HOXC10: variants seen among roughly 807,000 people sequenced by gnomAD.
The protein encoded by HOXC10 is homeobox protein Hox-C10.
A neutral mutation model predicts 26.0 loss-of-function variants in HOXC10; 15 were observed. The ratio of observed to expected loss-of-function variants is 0.58; its 90% CI spans 0.39 to 0.89. The LOEUF is 0.89. Ranked by LOEUF, HOXC10 falls within the 40% of genes least tolerant of loss-of-function variation. The pLI is 0.00. For synonymous variants in HOXC10, 196 were observed against 185.5 expected (o/e 1.06, Z -0.46); for missense variants, 446 against 451.9 (o/e 0.99, Z 0.12).
chr12:53,985,712 C>G lies in HOXC10; in HGVS notation c.453C>G (p.Ala151=), dbSNP rs1413791242. ...HEVPVPSYYR[A]SPSYSALDKT... is the part of the protein sequence containing the mutation. ...TACCCGTGCCCAGCTACTACCGCGC[C>G]AGCCCGAGCTACTCCGCGCTGGACA... is the stretch of plus-strand genomic sequence containing the variant. The change falls in exon 1 of 2, where the codon GCC becomes GCG. Residue 151 remains alanine, a synonymous_variant. Transcript: ENST00000303460. 1.2e-6 allele frequency: 2 copies of G among 1,610,606 alleles called. No individual in the cohort carries two copies. Among genetic ancestry groups the G allele is most frequent in the Non-Finnish European group, 1.7e-6 (2 of 1,177,464 alleles).
intron 1 of HOXC10, 55 bp from the exon 2 acceptor site, chr12:53,989,114 T>C (rs1034301496): frequency 1.3e-5 from 19 of 1,510,306 alleles, no homozygotes; most frequent in Middle Eastern, 3.6e-4. Context: ...GCTGCAGCGC[T>C]GAGAGGGTTT....
rs2136383795 is a variant in HOXC10, at chr12:53,985,827, C to T, written c.568C>T (p.Pro190Ser). ...CCCGCGCGCCGAACATCTGGAATCG[C>T]CTCAGCTGGGGGGCAAAGTGAGTTT... ...LNPRAEHLESPQLGGKVSFPE... is the reference protein window; with the variant it reads ...LNPRAEHLESSQLGGKVSFPE... Residue 190 changes from proline to serine, a missense_variant, in exon 1 of 2, where the codon CCT (proline) becomes TCT (serine). By Grantham distance (74) the Pro-to-Ser change is moderately conservative. Transcript: ENST00000303460. The T allele has an allele frequency of 6.2e-7, 1 of 1,613,844 alleles. No homozygotes were observed. The highest frequency in any genetic ancestry group is 1.3e-5 in the African/African-American group (1 of 75,062).
intron 1 of HOXC10, among the ~76,000 whole-genome samples, chr12:53,987,175 C>T (rs56016226): frequency 0.012 from 1,752 of 152,274 alleles, 17 homozygotes; most frequent in Non-Finnish European, 0.018. Context: ...CTGGGGGCGG[C>T]CTGGATCTCC....
chr12:53,988,263 G>C (rs1056775746), intron 1 of HOXC10, among the ~76,000 whole-genome samples: 3 of 152,204 alleles, frequency 2.0e-5, no homozygotes, highest in African/African-American at 7.2e-5. Context: ...GTATTCTATA[G>C]TATCTCCTTA....
intron 1 of HOXC10, chr12:53,986,735 A>G (rs935739373): frequency 6.6e-6 from 1 of 152,044 alleles, no homozygotes; most frequent in Admixed American, 6.6e-5. Context: ...ATTTTTTTCT[A>G]GTTAAATTAT....
chr12:53,989,086 C>T (rs1048049727), intron 1 of HOXC10, 83 bp from the exon 2 acceptor site: 54 of 1,321,668 alleles, frequency 4.1e-5, no homozygotes, highest in African/African-American at 6.0e-5. Context: ...TCAGCCACCC[C>T]ACAGCAGGCT....
rs756304534 is a variant in HOXC10 at position 53,985,955 on chromosome 12, G to T, written c.696G>T (p.Lys232Asn). 6.2e-7 allele frequency: 1 copy of T among 1,610,210 alleles called. No individual in the cohort carries two copies. The highest frequency in any genetic ancestry group is 8.5e-7 in the Non-Finnish European group (1 of 1,178,504). ...GPKGSPSESE[K>N]ERAKAADSSP... ...AAGGGAGCCCCTCGGAGAGCGAAAA[G>T]GAGAGGGCCAAAGCTGCCGACTCCA... The change falls in exon 1 of 2, where the codon AAG becomes AAT. Residue 232 changes from lysine (K) to asparagine (N), a missense_variant. By Grantham distance (94) the Lys-to-Asn change is moderately conservative (BLOSUM62 0). Coordinates refer to ENST00000303460, the MANE Select transcript of HOXC10 (RefSeq NM_017409.4).
At position 53,985,532 on chromosome 12, in the gene HOXC10, T is replaced by C; in HGVS notation, c.273T>C (p.Pro91=). ...AAGCCGCCTATCGCCTGGAACAACCTGTTGGCAGGCCGCTGTCCTCCTGCT... is the reference window on the plus strand; with the variant it reads ...AAGCCGCCTATCGCCTGGAACAACCCGTTGGCAGGCCGCTGTCCTCCTGCT... The part of the protein sequence containing the change: ...DPKAAYRLEQ[P]VGRPLSSCSY... Residue 91 remains proline (P), a synonymous_variant, in exon 1 of 2, where the codon CCT becomes CCC. Coordinates refer to ENST00000303460, the MANE Select transcript of HOXC10 (RefSeq NM_017409.4). 1 of 1,613,878 alleles carries C rather than the reference T, an allele frequency of 6.2e-7. No individual in the cohort carries two copies. Among genetic ancestry groups the C allele is most frequent in the Non-Finnish European group, 8.5e-7 (1 of 1,180,020 alleles).
rs745584947 is a variant in HOXC10, at chr12:53,989,137, G to T, written c.752-32G>T. ...GCTGAGAGGGTTTTCGACTTCGAGG[G>T]ATACTTATGTAAATAATGTTATTTT... On this transcript the variant is annotated intron_variant, in intron 1 of 1. Transcript: ENST00000303460. 17 of 1,570,266 alleles carry T rather than the reference G, an allele frequency of 1.1e-5. No homozygotes were observed. In the East Asian group the frequency reaches 3.6e-4, roughly 34 times the overall value.
At position 53,989,424 on chromosome 12, in the gene HOXC10, C is replaced by T. The variant is rs375042242; in HGVS notation, c.1007C>T (p.Thr336Ile). The T allele has an allele frequency of 1.2e-6, 2 of 1,613,188 alleles. No homozygotes were observed. Among genetic ancestry groups the T allele is most frequent in the Admixed American group, 1.7e-5 (1 of 59,906 alleles). Residue 336 changes from threonine to isoleucine, a missense_variant, in exon 2 of 2, where the codon ACC becomes ATC. By Grantham distance (89) the Thr-to-Ile change is moderately conservative (BLOSUM62 -1). Transcript: ENST00000303460. ...MNRENRIREL[T>I]SNFNFT Reference sequence around the variant, plus strand: ...CGAGAGAATCGGATCCGGGAACTGACCTCCAATTTTAATTTCACCTGAGAG... The same window carrying T: ...CGAGAGAATCGGATCCGGGAACTGATCTCCAATTTTAATTTCACCTGAGAG...
In HOXC10 at chr12:53,985,572, G is replaced by A; in HGVS notation, c.313G>A (p.Val105Ile). Residue 105 changes from valine (V) to isoleucine (I), a missense_variant, in exon 1 of 2, where the codon GTC becomes ATC. Physicochemically the swap from Val to Ile is conservative, Grantham distance 29. Transcript: ENST00000303460. The stretch of plus-strand genomic sequence containing the variant: ...GTCCTCCTGCTCCTACCCACCTAGT[G>A]TCAAGGAGGAGAATGTCTGCTGCAT... ...PLSSCSYPPS[V>I]KEENVCCMYS... 6.2e-7 allele frequency: 1 copy of A among 1,613,866 alleles called. No homozygotes were observed.
Position 53,985,451 on chromosome 12 carries a change from C to T in HOXC10, c.192C>T (p.Leu64=). ...SKRDEGSSPS[L]ALNTYPSYLS... The stretch of plus-strand genomic sequence containing the variant: ...GGGACGAGGGCAGCAGCCCCAGCCT[C>T]GCCCTCAACACCTATCCGTCCTACC... The change falls in exon 1 of 2, where the codon CTC becomes CTT. Residue 64 remains leucine (L), a synonymous_variant. Coordinates refer to ENST00000303460, the MANE Select transcript of HOXC10 (RefSeq NM_017409.4). 1.2e-6 allele frequency: 2 copies of T among 1,613,018 alleles called. No individual in the cohort carries two copies. Among genetic ancestry groups the T allele is most frequent in the Non-Finnish European group, 1.7e-6 (2 of 1,179,590 alleles).
Position 53,990,210 on chromosome 12 carries a change from A to T in HOXC10, c.*764A>T, listed in dbSNP as rs889150780. On this transcript the variant is annotated 3_prime_UTR_variant, in exon 2 of 2. Coordinates refer to ENST00000303460, the MANE Select transcript of HOXC10 (RefSeq NM_017409.4). ...TATTTAAAGATATTCTGTATGTTGT[A>T]TCTTTTGCATGTAGCTTCCTTAATG... 1 of 146,906 alleles carries T rather than the reference A, an allele frequency of 6.8e-6. No individual in the cohort carries two copies. The highest frequency in any genetic ancestry group is 1.5e-5 in the Non-Finnish European group (1 of 67,398). The allele number at this position is 146,906 out of a possible 1,614,324, so 9.1% of individuals were successfully genotyped here. A position where few individuals can be genotyped will look rare whatever the true frequency, so the allele number is the denominator to read the frequency against.
At position 53,989,371 on chromosome 12, in the gene HOXC10, T is replaced by C; in HGVS notation, c.954T>C (p.Asn318=). ...TDRQVKIWFQ[N]RRMKLKKMNR... is the part of the protein sequence containing the mutation. ...GACAAGTCAAAATCTGGTTTCAAAATCGCAGAATGAAACTCAAGAAAATGA... is the reference window on the plus strand; with the variant it reads ...GACAAGTCAAAATCTGGTTTCAAAACCGCAGAATGAAACTCAAGAAAATGA... Residue 318 remains asparagine (N), a synonymous_variant, in exon 2 of 2, where the codon AAT becomes AAC. Coordinates refer to ENST00000303460, the MANE Select transcript of HOXC10 (RefSeq NM_017409.4). The C allele has an allele frequency of 6.2e-7, 1 of 1,614,098 alleles. No individual in the cohort carries two copies. The highest frequency in any genetic ancestry group is 1.1e-5 in the South Asian group (1 of 91,058).
intron 1 of HOXC10, among the ~76,000 whole-genome samples, chr12:53,987,578 C>T (rs369659115): frequency 6.6e-6 from 1 of 152,162 alleles, no homozygotes; most frequent in East Asian, 1.9e-4. Context: ...CCACCAAAAG[C>T]AAAGTCAAGG....
chr12:53,989,310 G>A lies in HOXC10; in HGVS notation c.893G>A (p.Arg298His). 1 of 1,614,160 alleles carries A rather than the reference G, an allele frequency of 6.2e-7. No homozygotes were observed. Among genetic ancestry groups the A allele is most frequent in the Non-Finnish European group, 8.5e-7 (1 of 1,180,010 alleles). ...LFNMYLTRERRLEISKTINLT... is the reference protein window; with the variant it reads ...LFNMYLTRERHLEISKTINLT... ...AATATGTATTTGACGCGAGAGCGCCGCCTGGAGATTAGCAAGACCATTAAC... is the reference window on the plus strand; with the variant it reads ...AATATGTATTTGACGCGAGAGCGCCACCTGGAGATTAGCAAGACCATTAAC... The change falls in exon 2 of 2, where the codon CGC (arginine) becomes CAC (histidine). Residue 298 changes from arginine (R) to histidine (H), a missense_variant. By Grantham distance (29) the Arg-to-His change is conservative. Transcript: ENST00000303460.
intron 1 of HOXC10, among the ~76,000 whole-genome samples, chr12:53,988,668 G>A (rs1316914077): frequency 1.3e-5 from 2 of 152,230 alleles, no homozygotes; most frequent in Non-Finnish European, 2.9e-5. Context: ...CACTGCAGTG[G>A]CCTCTGGCCA....
chr12:53,985,240 A>T lies in HOXC10; in HGVS notation c.-20A>T. 1 of 1,464,116 alleles carries T rather than the reference A, an allele frequency of 6.8e-7. No homozygotes were observed. The highest frequency in any genetic ancestry group is 9.1e-7 in the Non-Finnish European group (1 of 1,101,416). 90.7% of individuals were successfully genotyped at this position (1,464,116 alleles called of 1,614,324 possible). A position where few individuals can be genotyped will look rare whatever the true frequency, so the allele number is the denominator to read the frequency against. ...CTCCTCCGCTGTAGTATTGCTCCTT[A>T]AAAACCCCTCTCTCTGAAAATGACA... On this transcript the variant is annotated 5_prime_UTR_variant, in exon 1 of 2. The change creates a premature stop within an existing upstream ORF in the 5' untranslated region. Coordinates refer to ENST00000303460, the MANE Select transcript of HOXC10 (RefSeq NM_017409.4).
chr12:53,989,563 A>G lies in HOXC10; in HGVS notation c.*117A>G, dbSNP rs911678463. On this transcript the variant is annotated 3_prime_UTR_variant, in exon 2 of 2. Coordinates refer to ENST00000303460, the MANE Select transcript of HOXC10 (RefSeq NM_017409.4). ...GTATAAATGCAATGCGACTGCAAAA[A>G]AGGCAAAGACCTCAGACTCTCCTTC... is the stretch of plus-strand genomic sequence containing the variant. The G allele has an allele frequency of 2.9e-6, 3 of 1,016,976 alleles. No homozygotes were observed. Among genetic ancestry groups the G allele is most frequent in the Non-Finnish European group, 4.3e-6 (3 of 703,614 alleles). The allele number at this position is 1,016,976 out of a possible 1,614,324, so 63.0% of individuals were successfully genotyped here.
Sources: allele counts gnomAD v4.1 joint callset (sites outside exome capture counted in the v4.1 genomes callset), GRCh38; gene constraint gnomAD v4.1.1; transcripts MANE v1.5; gene names NCBI Gene and HGNC (gene_info 2026-07-23, HGNC 2026-07-21).